The following CEP128 variants were observed in gnomAD, a reference collection of about 807,000 sequenced individuals.
The protein encoded by CEP128 is centrosomal protein 128kDa.
In CEP128, 132 loss-of-function variants were observed where a neutral mutation model predicts 156.7. The ratio of observed to expected loss-of-function variants is 0.84; its 90% CI spans 0.73 to 0.97. The LOEUF is 0.97. Ranked by LOEUF, CEP128 falls within the 50% of genes least tolerant of loss-of-function variation. The pLI, the probability that CEP128 is intolerant of heterozygous loss-of-function variation, is 0.00. For synonymous variants in CEP128, 469 were observed against 448.9 expected, an observed-to-expected ratio of 1.04 and a Z score of -0.57; for missense variants, 1,252 against 1,281.9, an observed-to-expected ratio of 0.98 and a Z score of 0.36.
chr14:80,563,524 C>CTTTTTTTTTTTTTTTTTTTTTTT (rs540593415), intron 20 of CEP128, among the ~76,000 whole-genome samples: 3 of 78,872 alleles, frequency 3.8e-5, no homozygotes, highest in Admixed American at 1.7e-4. Context: ...GCCTCCAAAT[C>CTTTTTTTTTTTTTTTTTTTTTTT]TTTTTTTTTT....
intron 2 of CEP128, among the ~76,000 whole-genome samples, chr14:80,923,413 T>C (rs1234613017): frequency 6.6e-6 from 1 of 152,230 alleles, no homozygotes; most frequent in Non-Finnish European, 1.5e-5. Flanking sequence ...AGCCATCAGA[T>C]TGTCTTCATT....
At chr14:80,937,109 A>G (rs906483317) in intron 2 of CEP128, among the ~76,000 whole-genome samples, 8 of 152,142 alleles carry the variant, frequency 5.3e-5, no homozygotes, top group Non-Finnish European at 8.8e-5. Flanking sequence ...CTTGAGCCCA[A>G]GCGTTCGAGA....
chr14:80,768,958 T>C (rs1203681082), intron 16 of CEP128, among the ~76,000 whole-genome samples: 1 of 152,200 alleles, frequency 6.6e-6, no homozygotes, highest in African/African-American at 2.4e-5. Context: ...ACCTTCTAAA[T>C]GATACTTTAT....
upstream of CEP128, among the ~76,000 whole-genome samples, chr14:80,944,771 G>A (rs146600503): frequency 3.1e-3 from 396 of 127,622 alleles, 14 homozygotes; most frequent in East Asian, 0.091. Context: ...GCAGTGAGCC[G>A]AGATCGTGCC....
chr14:80,910,119 T>C (rs1001817103), intron 4 of CEP128, among the ~76,000 whole-genome samples: 7 of 152,204 alleles, frequency 4.6e-5, no homozygotes, highest in Non-Finnish European at 1.0e-4. Flanking sequence ...ATGGACATCA[T>C]AGAACATAAT....
At chr14:80,843,414 T>A (rs1305512974) in intron 9 of CEP128, among the ~76,000 whole-genome samples, 1 of 152,106 alleles carries the variant, frequency 6.6e-6, no homozygotes, top group East Asian at 1.9e-4. Flanking sequence ...CAAGAACATG[T>A]AGATCATTCA....
chr14:80,739,736 T>G (rs1474120176), intron 19 of CEP128, among the ~76,000 whole-genome samples: 1 of 152,166 alleles, frequency 6.6e-6, no homozygotes, highest in Non-Finnish European at 1.5e-5. Flanking sequence ...CTAACAATGT[T>G]ATTGTGTCCC....
At chr14:80,808,360 T>C (rs1413302608) in intron 13 of CEP128, among the ~76,000 whole-genome samples, 1 of 152,082 alleles carries the variant, frequency 6.6e-6, no homozygotes, top group Non-Finnish European at 1.5e-5. Flanking sequence ...GCAGTACTGT[T>C]GCCATAGAAA....
At chr14:80,600,776 T>C (rs1455832862) in intron 19 of CEP128, among the ~76,000 whole-genome samples, 1 of 152,158 alleles carries the variant, frequency 6.6e-6, no homozygotes, top group Non-Finnish European at 1.5e-5. Context: ...CCCTACCTGA[T>C]TTACAAGCCA....
chr14:80,773,303 C>G (rs1046941021), intron 16 of CEP128, among the ~76,000 whole-genome samples: 5 of 152,016 alleles, frequency 3.3e-5, no homozygotes, highest in Admixed American at 1.3e-4. Flanking sequence ...ATATTGCTAT[C>G]ATTTTCTTTA....
chr14:80,494,383 T>C (rs1409626782), downstream of CEP128, among the ~76,000 whole-genome samples: 1 of 152,094 alleles, frequency 6.6e-6, no homozygotes, highest in Non-Finnish European at 1.5e-5. Context: ...TCTTGGAAAA[T>C]TACTCAAAGA....
intron 8 of CEP128, among the ~76,000 whole-genome samples, chr14:80,887,265 G>A (rs1216996056): frequency 6.6e-6 from 1 of 152,094 alleles, no homozygotes; most frequent in Non-Finnish European, 1.5e-5. Context: ...ACTCAGCTCT[G>A]GACCAAGTAG....
At chr14:80,906,187 C>T in intron 4 of CEP128, 106 bp from the exon 5 acceptor site, 1 of 858,078 alleles carries the variant, frequency 1.2e-6, no homozygotes. Flanking sequence ...CTGGGTTCCC[C>T]CCAAAAAAAG....
At chr14:80,706,067 G>T (rs984229486) in intron 19 of CEP128, among the ~76,000 whole-genome samples, 45 of 152,126 alleles carry the variant, frequency 3.0e-4, no homozygotes, top group African/African-American at 9.2e-4. Context: ...ATAAGGAGTT[G>T]CAAAATAATG....
chr14:80,840,670 T>C lies in CEP128; in HGVS notation c.849+12A>G, dbSNP rs1167488480. The C allele has an allele frequency of 7.7e-6, 12 of 1,558,766 alleles. No homozygotes were observed. Among genetic ancestry groups the C allele is most frequent in the Non-Finnish European group, 9.7e-6 (11 of 1,131,854 alleles). ...CACTTTATTCTTTGAAAGATAACTTTTAAAATCTTACTTGATTCTTCTCAG... is the reference window on the plus strand; with the variant it reads ...CACTTTATTCTTTGAAAGATAACTTCTAAAATCTTACTTGATTCTTCTCAG... On this transcript the variant is annotated intron_variant, in intron 10 of 24. Coordinates refer to ENST00000555265, the MANE Select transcript of CEP128 (RefSeq NM_152446.5).
chr14:80,504,115 A>G (rs936350906), intron 24 of CEP128, among the ~76,000 whole-genome samples: 5 of 152,334 alleles, frequency 3.3e-5, no homozygotes, highest in African/African-American at 1.2e-4. Flanking sequence ...TCCATTAAAT[A>G]ACATTTGGAT....
chr14:80,771,784 A>C (rs2139737632), intron 16 of CEP128, among the ~76,000 whole-genome samples: 1 of 152,358 alleles, frequency 6.6e-6, no homozygotes, highest in South Asian at 2.1e-4. Context: ...AGTAAGTATT[A>C]AATGAGATAG....
At chr14:80,516,850 G>A (rs1424326943) in intron 23 of CEP128, among the ~76,000 whole-genome samples, 1 of 152,184 alleles carries the variant, frequency 6.6e-6, no homozygotes, top group Non-Finnish European at 1.5e-5. Flanking sequence ...GGCAATTTAA[G>A]ATAGTCTTTC....
intron 15 of CEP128, among the ~76,000 whole-genome samples, chr14:80,781,505 C>G (rs1901116027): frequency 6.7e-6 from 1 of 148,152 alleles, no homozygotes; most frequent in South Asian, 2.2e-4. Context: ...AAGGTAGAAT[C>G]ATTTCAAGGG....
Sources: gnomAD v4.1 joint callset for allele counts (sites outside exome capture counted in the v4.1 genomes callset) on GRCh38, gnomAD v4.1.1 for gene constraint, MANE v1.5 for transcripts, NCBI Gene and HGNC (gene_info 2026-07-23, HGNC 2026-07-21) for gene names.